Variants in MEIS2 observed in about 807,000 individuals in gnomAD.
MEIS2 encodes Meis homeobox 2.
Under a neutral mutation model 58.6 loss-of-function variants are expected in MEIS2, and 9 were observed. The ratio of observed to expected loss-of-function variants is 0.15; its 90% confidence interval spans 0.09 to 0.27. The LOEUF (loss-of-function observed/expected upper bound fraction) is 0.27. Among genes scored for constraint, MEIS2 ranks in the 10% least tolerant of loss-of-function variants. MEIS2 has a pLI of 1.00. For synonymous variants in MEIS2, 221 were observed against 228.4 expected, an observed-to-expected ratio of 0.97 and a Z score of 0.29; for missense variants, 427 against 635.0, an observed-to-expected ratio of 0.67 and a Z score of 3.52.
At chr15:37,021,539 TCAAA>T (rs1260573383) in intron 8 of MEIS2, among the ~76,000 whole-genome samples, 1 of 152,224 alleles carries the variant, frequency 6.6e-6, no homozygotes, top group Non-Finnish European at 1.5e-5. Context: ...AGAAAATTCA[TCAAA>T]CAGAGATGTT....
intron 8 of MEIS2, among the ~76,000 whole-genome samples, chr15:36,998,587 T>C (rs147891783): frequency 2.0e-3 from 309 of 152,284 alleles, no homozygotes; most frequent in Non-Finnish European, 3.5e-3. Flanking sequence ...CTCTGTTACA[T>C]AGCTCCTGTC....
At chr15:36,938,164 G>A (rs548353171) in intron 9 of MEIS2, among the ~76,000 whole-genome samples, 1 of 152,220 alleles carries the variant, frequency 6.6e-6, no homozygotes, top group Admixed American at 6.5e-5. Flanking sequence ...TGCGACCCAA[G>A]CTCCTCCAAG....
rs1026840059 is a variant in MEIS2, at chr15:36,952,597, G to C, written c.901-2197C>G. 1.3e-4 allele frequency among the ~76,000 whole-genome samples: 14 copies of C among 107,382 alleles called. No individual in the cohort carries two copies. In the East Asian group the frequency reaches 2.8e-3, roughly 22 times the overall value. The allele number at this position is 107,382 out of a possible 152,430, so 70.4% of individuals were successfully genotyped here. On this transcript the variant is annotated intron_variant, in intron 8 of 11. Coordinates refer to ENST00000561208, the MANE Select transcript of MEIS2 (RefSeq NM_170675.5). ...TGTGGGTTGTAGAGTCTGTCTGTCT[G>C]TCTCTCTCTCTGTGTGTGTGTGTGT...
At position 36,986,538 on chromosome 15, in the gene MEIS2, C is replaced by T. The variant is rs939665652; in HGVS notation, c.901-36138G>A. On this transcript the variant is annotated intron_variant, in intron 8 of 11. Transcript: ENST00000561208. ...GGCTTCCAGCTTCCTTCAGTGCTCC[C>T]AGAGTCAACTTCATTACTCTCACGG... Among the ~76,000 whole-genome samples the T allele has an allele frequency of 1.1e-4, 16 of 152,288 alleles. No individual in the cohort carries two copies. The South Asian group carries it at 3.3e-3, about 32-fold the overall frequency.
chr15:36,929,258 G>C (rs1249205905), intron 9 of MEIS2, among the ~76,000 whole-genome samples: 2 of 152,214 alleles, frequency 1.3e-5, no homozygotes, highest in Admixed American at 1.3e-4. Flanking sequence ...ACTGTAGTGA[G>C]TCAGTAAGAT....
At chr15:36,956,721 C>T (rs1404041377) in intron 8 of MEIS2, among the ~76,000 whole-genome samples, 1 of 151,950 alleles carries the variant, frequency 6.6e-6, no homozygotes, top group Non-Finnish European at 1.5e-5. Flanking sequence ...AAAATATATT[C>T]CTAACATCGT....
At chr15:37,100,885 AACTT>A (rs1444826822), upstream of MEIS2, 1 of 151,000 alleles carries the variant, frequency 6.6e-6, no homozygotes, top group Admixed American at 6.6e-5. Flanking sequence ...AAAAAAAAAA[AACTT>A]ACTTCTAGTT....
intron 8 of MEIS2, among the ~76,000 whole-genome samples, chr15:36,971,799 G>T (rs2059581911): frequency 6.6e-6 from 1 of 152,094 alleles, no homozygotes; most frequent in African/African-American, 2.4e-5. Context: ...AATACTCAGA[G>T]ACTTTACATT....
At chr15:37,010,148 C>T (rs1375027655) in intron 8 of MEIS2, among the ~76,000 whole-genome samples, 4 of 151,988 alleles carry the variant, frequency 2.6e-5, no homozygotes, top group East Asian at 3.9e-4. Context: ...AGTGCAGTGG[C>T]GCGATCTCGG....
intron 7 of MEIS2, among the ~76,000 whole-genome samples, chr15:37,063,946 CA>C (rs1292708811): frequency 1.3e-5 from 2 of 152,186 alleles, no homozygotes; most frequent in African/African-American, 4.8e-5. Context: ...TTAAGTCAAA[CA>C]GTTCTTAGGC....
intron 9 of MEIS2, among the ~76,000 whole-genome samples, chr15:36,948,434 G>A (rs1437916811): frequency 6.6e-6 from 1 of 151,922 alleles, no homozygotes; most frequent in Non-Finnish European, 1.5e-5. Context: ...GGTGCGAAGA[G>A]TATATCAAAA....
chr15:36,952,597 G>GTCTGTC (rs1555432899), intron 8 of MEIS2, among the ~76,000 whole-genome samples: 7,573 of 106,942 alleles, frequency 0.071, 350 homozygotes, highest in African/African-American at 0.13. Flanking sequence ...CTGTCTGTCT[G>GTCTGTC]TCTCTCTCTC....
chr15:36,923,904 G>A (rs1011856527), intron 9 of MEIS2, among the ~76,000 whole-genome samples: 2 of 152,214 alleles, frequency 1.3e-5, no homozygotes, highest in South Asian at 2.1e-4. Flanking sequence ...AAAAGGGGCT[G>A]CAGAGAATTC....
chr15:36,906,651 G>GAAAAAAAAAAAAAA (rs56715244), intron 9 of MEIS2, among the ~76,000 whole-genome samples: 1 of 96,554 alleles, frequency 1.0e-5, no homozygotes, highest in Non-Finnish European at 2.1e-5. Context: ...AGCCACTCAA[G>GAAAAAAAAAAAAAA]AAAAAAAAAA....
chr15:36,916,330 G>A (rs2057277797), intron 9 of MEIS2, among the ~76,000 whole-genome samples: 1 of 151,592 alleles, frequency 6.6e-6, no homozygotes, highest in African/African-American at 2.4e-5. Flanking sequence ...AGGAGGCTGA[G>A]GCAAGAGAAT....
intron 8 of MEIS2, among the ~76,000 whole-genome samples, chr15:36,983,842 T>G (rs1214185050): frequency 6.6e-6 from 1 of 152,102 alleles, no homozygotes; most frequent in African/African-American, 2.4e-5. Context: ...TACAGTTTTT[T>G]AGTGTACAGA....
At chr15:37,067,068 T>C (rs73395427) in intron 7 of MEIS2, among the ~76,000 whole-genome samples, 6,857 of 150,398 alleles carry the variant, frequency 0.046, 214 homozygotes, top group East Asian at 0.095. Flanking sequence ...TGAGTCACCA[T>C]GCCCAGCCAG....
At chr15:36,991,516 G>C (rs188081886) in intron 8 of MEIS2, among the ~76,000 whole-genome samples, 79 of 151,934 alleles carry the variant, frequency 5.2e-4, no homozygotes, top group African/African-American at 1.8e-3. Flanking sequence ...ATCTTCATAG[G>C]GTACACTAAC....
intron 8 of MEIS2, among the ~76,000 whole-genome samples, chr15:37,019,982 G>A (rs1198761759): frequency 6.6e-6 from 1 of 152,062 alleles, no homozygotes; most frequent in Non-Finnish European, 1.5e-5. Context: ...CCAGATCCGG[G>A]GAGCTCGAAC....
Sources: allele counts gnomAD v4.1 joint callset (sites outside exome capture counted in the v4.1 genomes callset), GRCh38; gene constraint gnomAD v4.1.1; transcripts MANE v1.5; gene names NCBI Gene and HGNC (gene_info 2026-07-23, HGNC 2026-07-21).